RNF212B: variants seen among roughly 807,000 people sequenced by gnomAD.
RNF212B encodes E3 ubiquitin-protein ligase RNF212B.
Under a neutral mutation model 55.5 loss-of-function variants are expected in RNF212B, and 52 were observed. The ratio of observed to expected loss-of-function variants is 0.94; its 90% CI spans 0.75 to 1.18. The LOEUF (loss-of-function observed/expected upper bound fraction) is 1.18. Among genes scored for constraint, RNF212B ranks in the 50% most tolerant of loss-of-function variants. RNF212B has a pLI of 0.00. For synonymous variants in RNF212B, 99 were observed against 121.4 expected (o/e 0.82, Z 1.21); for missense variants, 289 against 350.4 (o/e 0.82, Z 1.40).
intron 2 of RNF212B, among the ~76,000 whole-genome samples, chr14:23,209,625 A>G (rs8007591): frequency 0.036 from 5,544 of 152,252 alleles, 340 homozygotes; most frequent in African/African-American, 0.13. Flanking sequence ...ATATATGTAG[A>G]TACTTTTTCT....
At chr14:23,192,453 G>A (rs1383633828) in intron 1 of RNF212B, among the ~76,000 whole-genome samples, 3 of 148,050 alleles carry the variant, frequency 2.0e-5, no homozygotes, top group Non-Finnish European at 4.4e-5. Flanking sequence ...ACCAAACACC[G>A]CATGTTCTCA....
intron 7 of RNF212B, 98 bp downstream of exon 7, chr14:23,260,785 A>G: frequency 8.8e-7 from 1 of 1,134,826 alleles, no homozygotes. Flanking sequence ...GAAAATGGTT[A>G]ATGAATTTAG....
rs959100859 is a variant in RNF212B, at chr14:23,262,641, C to T, written c.435-24C>T. 5.8e-5 allele frequency: 89 copies of T among 1,544,528 alleles called. 1 individual carries two copies. The highest frequency in any genetic ancestry group is 9.9e-5 in the Admixed American group (5 of 50,268). ...GACCTCTGCCTAGAGAGATTAGAGC[C>T]GCCTCTTTTTTTTTCCCTTGCAGGT... On this transcript the variant is annotated intron_variant, in intron 7 of 14. Coordinates refer to ENST00000430154, the MANE Select transcript of RNF212B (RefSeq NM_001282322.3).
intron 4 of RNF212B, among the ~76,000 whole-genome samples, chr14:23,249,812 C>T (rs1275818667): frequency 6.6e-6 from 1 of 152,154 alleles, no homozygotes. Context: ...ACTAACAATT[C>T]TCCAATTGCT....
At chr14:23,265,874 T>C (rs916858434) in intron 11 of RNF212B, among the ~76,000 whole-genome samples, 3 of 152,248 alleles carry the variant, frequency 2.0e-5, no homozygotes, top group Non-Finnish European at 4.4e-5. Context: ...TTTTTTACTA[T>C]TGATGTTTCC....
At chr14:23,246,392 T>C (rs1351151354) in intron 4 of RNF212B, among the ~76,000 whole-genome samples, 2 of 152,150 alleles carry the variant, frequency 1.3e-5, no homozygotes, top group East Asian at 1.9e-4. Context: ...GTATATGAAA[T>C]ACAGTAAAGT....
At chr14:23,228,010 C>T (rs1297840295) in intron 2 of RNF212B, among the ~76,000 whole-genome samples, 1 of 152,040 alleles carries the variant, frequency 6.6e-6, no homozygotes, top group African/African-American at 2.4e-5. Context: ...GCAGGTGGAT[C>T]ACCTGAGGTC....
At chr14:23,231,645 CG>C (rs1304218845) in intron 2 of RNF212B, among the ~76,000 whole-genome samples, 1 of 151,956 alleles carries the variant, frequency 6.6e-6, no homozygotes, top group Non-Finnish European at 1.5e-5. Context: ...CCTCTCCCCA[CG>C]GTCTCCCTCT....
Position 23,227,603 on chromosome 14 carries a change from G to GT in RNF212B, c.-1-12735dup, listed in dbSNP as rs561766674. 1.3e-4 allele frequency among the ~76,000 whole-genome samples: 19 copies of GT among 144,706 alleles called. No individual in the cohort carries two copies. The South Asian group carries it at 1.5e-3, about 11-fold the overall frequency. 94.9% of individuals were successfully genotyped at this position (144,706 alleles called of 152,430 possible). Reference sequence around the variant, plus strand: ...ATATACATTAAATCGAACAAAAAGTGTTTTTTTGTTTGTTTTGAGACTAGT... The same window carrying GT: ...ATATACATTAAATCGAACAAAAAGTGTTTTTTTTGTTTGTTTTGAGACTAGT... On this transcript the variant is annotated intron_variant, in intron 2 of 15. Coordinates refer to the RNF212B transcript ENST00000399910.
chr14:23,259,860 T>C, intron 5 of RNF212B, 24 bp from the exon 6 acceptor site: 1 of 1,424,836 alleles, frequency 7.0e-7, no homozygotes. Context: ...TTGCTGGAGC[T>C]GATTGTTTCC....
chr14:23,244,881 C>G (rs1883881085), intron 4 of RNF212B, among the ~76,000 whole-genome samples: 1 of 152,152 alleles, frequency 6.6e-6, no homozygotes. Flanking sequence ...GTGTTCATAA[C>G]TGGTTGCTTG....
chr14:23,192,801 T>C (rs541878091), intron 1 of RNF212B, among the ~76,000 whole-genome samples: 5 of 152,196 alleles, frequency 3.3e-5, no homozygotes, highest in Non-Finnish European at 5.9e-5. Flanking sequence ...TTTAAAAATA[T>C]AGCTTTATGG....
intron 1 of RNF212B, among the ~76,000 whole-genome samples, chr14:23,189,774 C>T (rs1877942626): frequency 1.3e-5 from 2 of 152,156 alleles, no homozygotes; most frequent in Admixed American, 1.3e-4. Flanking sequence ...TGCCACTGCA[C>T]TCCAGCCTGT....
chr14:23,206,693 T>C (rs1879868322), intron 2 of RNF212B, among the ~76,000 whole-genome samples: 1 of 152,106 alleles, frequency 6.6e-6, no homozygotes, highest in South Asian at 2.1e-4. Flanking sequence ...AAAATTTACA[T>C]CATAAGGTAG....
intron 3 of RNF212B, 88 bp downstream of exon 3, chr14:23,243,396 C>A: frequency 2.4e-6 from 3 of 1,231,148 alleles, no homozygotes; most frequent in Non-Finnish European, 3.4e-6. Context: ...TGAATTGTTT[C>A]AAAAAGAAAG....
intron 2 of RNF212B, among the ~76,000 whole-genome samples, chr14:23,215,727 T>C (rs937424770): frequency 6.6e-6 from 1 of 152,020 alleles, no homozygotes; most frequent in Non-Finnish European, 1.5e-5. Flanking sequence ...GAATGGCTAA[T>C]GAAAATTTTT....
chr14:23,199,803 A>T (rs1879104641), intron 2 of RNF212B, among the ~76,000 whole-genome samples: 1 of 152,150 alleles, frequency 6.6e-6, no homozygotes, highest in South Asian at 2.1e-4. Flanking sequence ...CAGGTATGTA[A>T]ATTGGTTGCT....
intron 11 of RNF212B, 144 bp downstream of exon 11, chr14:23,264,815 A>C: frequency 2.5e-6 from 1 of 395,812 alleles, no homozygotes; most frequent in Non-Finnish European, 4.3e-6. Context: ...CATATATTAC[A>C]AGGTTTTTTT....
chr14:23,187,619 C>T (rs1231367975), intron 1 of RNF212B, among the ~76,000 whole-genome samples: 1 of 152,124 alleles, frequency 6.6e-6, no homozygotes, highest in Non-Finnish European at 1.5e-5. Flanking sequence ...ATCCAATAGA[C>T]AGCACTTTAT....
Sources: gnomAD v4.1 joint callset for allele counts (sites outside exome capture counted in the v4.1 genomes callset) on GRCh38, gnomAD v4.1.1 for gene constraint, MANE v1.5 for transcripts, NCBI Gene and HGNC (gene_info 2026-07-23, HGNC 2026-07-21) for gene names.